Variants in WDR64 observed in about 807,000 individuals in gnomAD.
WDR64 encodes the protein WD repeat-containing protein 64.
WDR64 carries 112 observed loss-of-function variants against 139.3 expected under a neutral mutation model. That is an observed-to-expected ratio of 0.80 (90% CI 0.69 to 0.94). The LOEUF is 0.94. WDR64 is among the 40% of genes least tolerant of loss of function. WDR64 has a pLI of 0.00. For missense variants in WDR64, 1,206 were observed against 1,293.1 expected (o/e 0.93, Z 1.03); for synonymous variants, 444 against 437.7 (o/e 1.01, Z -0.18).
intron 19 of WDR64, 37 bp from the exon 20 acceptor site, chr1:241,772,755 G>T (rs1398922967): frequency 6.5e-7 from 1 of 1,547,666 alleles, no homozygotes; most frequent in Admixed American, 2.0e-5. Context: ...GAGCCACCAC[G>T]CCTGGCCTCA....
intron 1 of WDR64, among the ~76,000 whole-genome samples, chr1:241,652,915 T>C (rs1250526218): frequency 3.3e-5 from 5 of 152,262 alleles, no homozygotes; most frequent in Admixed American, 2.0e-4. Flanking sequence ...TCCAGTGTTC[T>C]TCTGTAGACG....
chr1:241,655,325 G>T (rs1046710218), intron 1 of WDR64, among the ~76,000 whole-genome samples: 10 of 152,088 alleles, frequency 6.6e-5, no homozygotes, highest in Admixed American at 6.5e-4. Context: ...GGAGGCAGAG[G>T]TTGCAGTGAG....
At position 241,735,533 on chromosome 1, in the gene WDR64, C is replaced by CCCTTTTTTTTTTTTTTTTTTTTT. The variant is rs1237771842; in HGVS notation, c.1195-2830_1195-2829insCCTTTTTTTTTTTTTTTTTTTTT. Among the ~76,000 whole-genome samples the CCCTTTTTTTTTTTTTTTTTTTTT allele has an allele frequency of 7.9e-4, 82 of 103,486 alleles. 7 individuals carry two copies. Among genetic ancestry groups the CCCTTTTTTTTTTTTTTTTTTTTT allele is most frequent in the South Asian group, 1.7e-3 (5 of 2,868 alleles). 67.9% of individuals were successfully genotyped at this position (103,486 alleles called of 152,430 possible). A position where few individuals can be genotyped will look rare whatever the true frequency, so the allele number is the denominator to read the frequency against. The stretch of plus-strand genomic sequence containing the variant: ...GTTCTCTGTCTCTCTCTCTCTCTCT[C>CCCTTTTTTTTTTTTTTTTTTTTT]TTTTTTTTTTTTTTTTTTTGATACG... On this transcript the variant is annotated intron_variant, in intron 10 of 27. Transcript: ENST00000437684.
rs1481316446 is a variant in WDR64 at position 241,769,649 on chromosome 1, T to G, written c.2183+144T>G. 14 of 732,360 alleles carry G rather than the reference T, an allele frequency of 1.9e-5. No homozygotes were observed. In the African/African-American group the frequency reaches 2.0e-4, roughly 10 times the overall value. The allele number at this position is 732,360 out of a possible 1,614,324, so 45.4% of individuals were successfully genotyped here. A position where few individuals can be genotyped will look rare whatever the true frequency, so the allele number is the denominator to read the frequency against. On this transcript the variant is annotated intron_variant, in intron 17 of 27. Transcript: ENST00000437684. ...ATCCCAGCATTAAAGAAGGGACCAC[T>G]GAAAAAAGACATCAGTTGGGTTGAC... is the stretch of plus-strand genomic sequence containing the variant.
chr1:241,690,278 C>G (rs1034709763), intron 8 of WDR64, among the ~76,000 whole-genome samples: 1 of 152,084 alleles, frequency 6.6e-6, no homozygotes, highest in Admixed American at 6.6e-5. Flanking sequence ...AGAGATCAGC[C>G]TGACCAACAT....
chr1:241,702,158 T>G (rs1667741028), intron 8 of WDR64, among the ~76,000 whole-genome samples: 1 of 152,238 alleles, frequency 6.6e-6, no homozygotes, highest in South Asian at 2.1e-4. Context: ...TTTGATAGCT[T>G]GACAGTTTCC....
At chr1:241,766,703 T>TAA (rs33937120) in intron 16 of WDR64, among the ~76,000 whole-genome samples, 2 of 132,428 alleles carry the variant, frequency 1.5e-5, no homozygotes, top group African/African-American at 2.9e-5. Flanking sequence ...AAACTCAGTA[T>TAA]AAAAAAAAAA....
chr1:241,741,392 G>C, intron 11 of WDR64, 124 bp from the exon 12 acceptor site: 1 of 672,018 alleles, frequency 1.5e-6, no homozygotes. Flanking sequence ...ACATTTCCTA[G>C]GCATTGATTG....
intron 11 of WDR64, among the ~76,000 whole-genome samples, chr1:241,740,255 GTT>G (rs1669484579): frequency 6.6e-6 from 1 of 152,138 alleles, no homozygotes; most frequent in Non-Finnish European, 1.5e-5. Context: ...AAGATTGCCA[GTT>G]TTCCATAAGC....
At chr1:241,687,259 G>A (rs1348961783) in intron 7 of WDR64, among the ~76,000 whole-genome samples, 1 of 146,942 alleles carries the variant, frequency 6.8e-6, no homozygotes, top group African/African-American at 2.5e-5. Flanking sequence ...AGCCGAGATC[G>A]CACCACTGCA....
intron 16 of WDR64, among the ~76,000 whole-genome samples, chr1:241,767,456 T>G (rs1658225658): frequency 6.6e-6 from 1 of 152,102 alleles, no homozygotes; most frequent in Non-Finnish European, 1.5e-5. Context: ...GCAAGGGCCA[T>G]GTGTGGCCAC....
chr1:241,736,270 T>C (rs953390852), intron 10 of WDR64, among the ~76,000 whole-genome samples: 1 of 152,172 alleles, frequency 6.6e-6, no homozygotes, highest in African/African-American at 2.4e-5. Flanking sequence ...TAGGGAGATA[T>C]ATATCTTGCT....
chr1:241,674,904 C>CTT (rs1573996507), intron 4 of WDR64, among the ~76,000 whole-genome samples, 157 bp downstream of exon 4: 1 of 28,062 alleles, frequency 3.6e-5, no homozygotes, highest in Non-Finnish European at 9.3e-5. Context: ...TATTTCCTTC[C>CTT]TCTTATTCCT....
chr1:241,740,790 C>T (rs568582045), intron 11 of WDR64, among the ~76,000 whole-genome samples: 14 of 151,986 alleles, frequency 9.2e-5, no homozygotes, highest in South Asian at 2.1e-4. Flanking sequence ...CTCAGCCTCT[C>T]GAGTAGCTGG....
At chr1:241,783,405 G>A (rs765655152) in intron 23 of WDR64, 24 bp downstream of exon 23, 1 of 1,547,692 alleles carries the variant, frequency 6.5e-7, no homozygotes, top group Admixed American at 1.7e-5. Context: ...GCATCATACT[G>A]TGAATTCAGT....
At chr1:241,661,240 T>A (rs1665821425) in intron 2 of WDR64, among the ~76,000 whole-genome samples, 3 of 151,986 alleles carry the variant, frequency 2.0e-5, no homozygotes, top group Non-Finnish European at 4.4e-5. Context: ...TATAAGCCGA[T>A]GGATATGTAT....
intron 10 of WDR64, among the ~76,000 whole-genome samples, chr1:241,728,344 AGAAG>A (rs1265508290): frequency 2.1e-4 from 25 of 121,530 alleles, no homozygotes; most frequent in Admixed American, 2.0e-3. Context: ...GAAAAGAAGA[AGAAG>A]AAAAAAAAAG....
chr1:241,702,933 T>C (rs1667777582), intron 8 of WDR64, among the ~76,000 whole-genome samples: 1 of 152,170 alleles, frequency 6.6e-6, no homozygotes, highest in South Asian at 2.1e-4. Flanking sequence ...TCTTATTCTT[T>C]ATGGAAAAAT....
intron 23 of WDR64, among the ~76,000 whole-genome samples, chr1:241,784,030 A>G (rs1309799807): frequency 6.6e-6 from 1 of 152,252 alleles, no homozygotes; most frequent in African/African-American, 2.4e-5. Context: ...GAAGTATATT[A>G]GGGAATTTCA....
Sources: gnomAD v4.1 joint callset for allele counts (sites outside exome capture counted in the v4.1 genomes callset) on GRCh38, gnomAD v4.1.1 for gene constraint, MANE v1.5 for transcripts, NCBI Gene and HGNC (gene_info 2026-07-23, HGNC 2026-07-21) for gene names.